Variants in TGFA observed in about 807,000 individuals in gnomAD.
TGFA encodes transforming growth factor alpha.
TGFA carries 12 observed loss-of-function variants against 21.7 expected under a neutral mutation model. The observed-to-expected ratio is 0.55, with a 90% CI of 0.35 to 0.90. The LOEUF (loss-of-function observed/expected upper bound fraction) is 0.90, where lower values mean the gene tolerates loss of function less well. Ranked by LOEUF, TGFA falls within the 40% of genes least tolerant of loss-of-function variation. The probability of loss-of-function intolerance (pLI) is 0.01; values close to 1 mark genes in which losing one functional copy is unlikely to be tolerated. For synonymous variants in TGFA, 79 were observed against 88.1 expected (o/e 0.90, Z 0.58); for missense variants, 178 against 210.8 (o/e 0.84, Z 0.96).
At chr2:70,490,525 A>G (rs1374183375) in intron 2 of TGFA, among the ~76,000 whole-genome samples, 5 of 152,214 alleles carry the variant, frequency 3.3e-5, no homozygotes, top group Non-Finnish European at 7.3e-5. Flanking sequence ...TCACTTATAG[A>G]ATACAGAGTT....
intron 1 of TGFA, among the ~76,000 whole-genome samples, chr2:70,526,268 T>C (rs1360555407): frequency 6.6e-6 from 1 of 152,180 alleles, no homozygotes; most frequent in Non-Finnish European, 1.5e-5. Flanking sequence ...TGAAGCCTAT[T>C]TATAAAGTAA....
At chr2:70,451,029 G>A (rs1374772626) in intron 5 of TGFA, among the ~76,000 whole-genome samples, 163 bp from the exon 6 acceptor site, 1 of 152,184 alleles carries the variant, frequency 6.6e-6, no homozygotes, top group East Asian at 1.9e-4. Flanking sequence ...CTCAGGGACC[G>A]CAACCTCTGA....
In TGFA at chr2:70,504,914, T is replaced by G. The variant is rs548638947; in HGVS notation, c.94+9945A>C. 6.0e-3 allele frequency among the ~76,000 whole-genome samples: 914 copies of G among 152,298 alleles called. 9 individuals carry two copies. The highest frequency in any genetic ancestry group is 6.6e-3 in the Non-Finnish European group (450 of 68,016). On this transcript the variant is annotated intron_variant, in intron 2 of 5. Transcript: ENST00000295400. The stretch of plus-strand genomic sequence containing the variant: ...GGGTTTAAATCCCAGCTCTGCCACT[T>G]TCTAACTAGGTGACCTTGGGCAAGT...
intron 2 of TGFA, among the ~76,000 whole-genome samples, chr2:70,466,437 G>A (rs533615561): frequency 1.3e-5 from 2 of 152,274 alleles, no homozygotes; most frequent in Admixed American, 1.3e-4. Context: ...AACCCCGGGG[G>A]GCGGAGCCTG....
At chr2:70,457,498 C>T (rs1255144236) in intron 3 of TGFA, among the ~76,000 whole-genome samples, 3 of 151,704 alleles carry the variant, frequency 2.0e-5, no homozygotes, top group African/African-American at 7.3e-5. Flanking sequence ...ACATTCTTAT[C>T]GTCAATAGAA....
intron 2 of TGFA, among the ~76,000 whole-genome samples, chr2:70,478,067 C>T (rs566179907): frequency 6.9e-6 from 1 of 144,718 alleles, no homozygotes; most frequent in Non-Finnish European, 1.6e-5. Context: ...TTGGGAGGCT[C>T]CACTTTGAAA....
At chr2:70,547,513 A>C (rs1673342395) in intron 1 of TGFA, among the ~76,000 whole-genome samples, 1 of 150,176 alleles carries the variant, frequency 6.7e-6, no homozygotes, top group Admixed American at 6.6e-5. Context: ...ACTGCACTCC[A>C]GCCTGGGCAA....
intron 2 of TGFA, among the ~76,000 whole-genome samples, chr2:70,501,904 G>A (rs577342886): frequency 2.6e-4 from 39 of 152,386 alleles, no homozygotes; most frequent in Admixed American, 4.6e-4. Context: ...TTAAAGAACA[G>A]TGTGAAAAGG....
chr2:70,490,028 C>A (rs1671383159), intron 2 of TGFA, among the ~76,000 whole-genome samples: 1 of 152,196 alleles, frequency 6.6e-6, no homozygotes. Flanking sequence ...TTATGGGGTG[C>A]AGCCAGGACA....
At position 70,490,409 on chromosome 2, in the gene TGFA, A is replaced by G. The variant is rs190419250; in HGVS notation, c.94+24450T>C. 3.9e-5 allele frequency among the ~76,000 whole-genome samples: 6 copies of G among 152,336 alleles called. No homozygotes were observed. In the East Asian group the frequency reaches 1.2e-3, roughly 29 times the overall value. Reference sequence around the variant, plus strand: ...TTTTCAAATGATGGCAAATGGGAACATTTTTGTGCTTCAGCCTTAGCACAA... The same window carrying G: ...TTTTCAAATGATGGCAAATGGGAACGTTTTTGTGCTTCAGCCTTAGCACAA... On this transcript the variant is annotated intron_variant, in intron 2 of 5. Coordinates refer to ENST00000295400, the MANE Select transcript of TGFA (RefSeq NM_003236.4).
intron 3 of TGFA, among the ~76,000 whole-genome samples, chr2:70,459,803 A>C (rs1203841509): frequency 6.6e-6 from 1 of 152,050 alleles, no homozygotes; most frequent in Non-Finnish European, 1.5e-5. Context: ...AATGCCTATC[A>C]CTCTAGTGTT....
chr2:70,508,180 C>T (rs903387376), intron 2 of TGFA, among the ~76,000 whole-genome samples: 1 of 152,228 alleles, frequency 6.6e-6, no homozygotes, highest in Non-Finnish European at 1.5e-5. Flanking sequence ...CATGGTGGCT[C>T]ATGCCTGTAA....
At chr2:70,488,327 C>T (rs964849039) in intron 2 of TGFA, among the ~76,000 whole-genome samples, 1 of 152,116 alleles carries the variant, frequency 6.6e-6, no homozygotes, top group African/African-American at 2.4e-5. Context: ...CACTTCCTTC[C>T]ATTATTTTAT....
Position 70,449,329 on chromosome 2 carries a change from A to C in TGFA, c.*1530T>G, listed in dbSNP as rs1351437930. 1 of 152,474 alleles carries C rather than the reference A, an allele frequency of 6.6e-6. No individual in the cohort carries two copies. The highest frequency in any genetic ancestry group is 1.5e-5 in the Non-Finnish European group (1 of 68,214). The allele number at this position is 152,474 out of a possible 1,614,324, so 9.4% of individuals were successfully genotyped here. A position where few individuals can be genotyped will look rare whatever the true frequency, so the allele number is the denominator to read the frequency against. On this transcript the variant is annotated 3_prime_UTR_variant, in exon 6 of 6. Coordinates refer to ENST00000295400, the MANE Select transcript of TGFA (RefSeq NM_003236.4). ...TTTCACGATGTAATAAGCTAGGTGC[A>C]CTTAAGAGTTAATACATAGAAATCT... is the stretch of plus-strand genomic sequence containing the variant.
chr2:70,504,459 T>TATATATATAC (rs1559124011), intron 2 of TGFA, among the ~76,000 whole-genome samples: 3 of 74,330 alleles, frequency 4.0e-5, no homozygotes, highest in East Asian at 8.4e-4. Flanking sequence ...TATATATATA[T>TATATATATAC]ATATACACAC....
chr2:70,463,727 G>T (rs1199038291), intron 3 of TGFA, among the ~76,000 whole-genome samples: 1 of 152,162 alleles, frequency 6.6e-6, no homozygotes, highest in Non-Finnish European at 1.5e-5. Flanking sequence ...GACGTGGCTG[G>T]TGGGAGAGTA....
At chr2:70,488,447 C>G (rs1671331390) in intron 2 of TGFA, among the ~76,000 whole-genome samples, 1 of 152,214 alleles carries the variant, frequency 6.6e-6, no homozygotes, top group African/African-American at 2.4e-5. Flanking sequence ...AGTTTATCAT[C>G]TCCTTATTGA....
At chr2:70,522,885 C>G (rs1328667814) in intron 1 of TGFA, among the ~76,000 whole-genome samples, 1 of 152,164 alleles carries the variant, frequency 6.6e-6, no homozygotes, top group Non-Finnish European at 1.5e-5. Flanking sequence ...TGTCTAGGTG[C>G]TGGGCAGAGA....
chr2:70,479,701 TA>T (rs1374498422), intron 2 of TGFA, among the ~76,000 whole-genome samples: 2 of 151,978 alleles, frequency 1.3e-5, no homozygotes, highest in Admixed American at 6.6e-5. Context: ...TCCAGCCCAT[TA>T]AAAAAAATTA....
Sources: gnomAD v4.1 joint callset for allele counts (sites outside exome capture counted in the v4.1 genomes callset) on GRCh38, gnomAD v4.1.1 for gene constraint, MANE v1.5 for transcripts, NCBI Gene and HGNC (gene_info 2026-07-23, HGNC 2026-07-21) for gene names.